The following GBE1 variants were observed in gnomAD, a reference collection of about 807,000 sequenced individuals.
The protein encoded by GBE1 is 1,4-alpha-glucan-branching enzyme.
GBE1 carries 70 observed loss-of-function variants against 88.8 expected under a neutral mutation model. The observed-to-expected ratio is 0.79, with a 90% confidence interval of 0.65 to 0.96. The LOEUF (loss-of-function observed/expected upper bound fraction) is 0.96. Ranked by LOEUF, GBE1 falls within the 40% of genes least tolerant of loss-of-function variation. The pLI, the probability that GBE1 is intolerant of heterozygous loss-of-function variation, is 0.00. For missense variants in GBE1, 872 were observed against 871.0 expected (o/e 1.00, Z -0.01); for synonymous variants, 284 against 300.1 (o/e 0.95, Z 0.56).
intron 2 of GBE1, among the ~76,000 whole-genome samples, chr3:81,688,690 C>G (rs1226815614): frequency 1.3e-4 from 20 of 151,970 alleles, no homozygotes; most frequent in Admixed American, 2.6e-4. Context: ...TTTTCAATTA[C>G]TATGGGTCAC....
chr3:81,748,475 G>A (rs977152283), intron 1 of GBE1, among the ~76,000 whole-genome samples: 1 of 151,462 alleles, frequency 6.6e-6, no homozygotes, highest in Non-Finnish European at 1.5e-5. Flanking sequence ...GCCGGGTGTG[G>A]TGGCGGGCGC....
chr3:81,655,726 G>C (rs1704929472), intron 3 of GBE1, among the ~76,000 whole-genome samples: 1 of 151,950 alleles, frequency 6.6e-6, no homozygotes, highest in Admixed American at 6.6e-5. Context: ...CACCATGTCG[G>C]CCAGGCTGCT....
chr3:81,497,039 C>T (rs972692622), intron 15 of GBE1, among the ~76,000 whole-genome samples: 7 of 152,152 alleles, frequency 4.6e-5, no homozygotes, highest in African/African-American at 1.7e-4. Context: ...ATTACTGATA[C>T]TTATGAGACA....
chr3:81,750,635 A>G (rs1284053283), intron 1 of GBE1, among the ~76,000 whole-genome samples: 30 of 59,344 alleles, frequency 5.1e-4, no homozygotes, highest in African/African-American at 2.4e-3. Context: ...ATATACGTAT[A>G]TATATATATG....
intron 1 of GBE1, among the ~76,000 whole-genome samples, chr3:81,719,557 T>C (rs559522087): frequency 7.2e-5 from 11 of 152,304 alleles, no homozygotes; most frequent in Non-Finnish European, 1.3e-4. Context: ...AAGAGACACA[T>C]ATGATTTTAA....
At chr3:81,639,576 A>C (rs1326392950) in intron 7 of GBE1, among the ~76,000 whole-genome samples, 1 of 152,134 alleles carries the variant, frequency 6.6e-6, no homozygotes, top group African/African-American at 2.4e-5. Context: ...TTTACCTAAC[A>C]AGTTTTATTA....
chr3:81,705,619 A>T lies in GBE1; in HGVS notation c.144-6T>A. 1.3e-6 allele frequency: 2 copies of T among 1,510,194 alleles called. No individual in the cohort carries two copies. Among genetic ancestry groups the T allele is most frequent in the African/African-American group, 2.8e-5 (2 of 71,050 alleles). 93.5% of individuals were successfully genotyped at this position (1,510,194 alleles called of 1,614,324 possible). ...TTTGGCTAAACTGCTTATACCTTTG[A>T]AGAAGTATGAAAGAAAATGAGTTAG... On this transcript the variant is annotated splice_region_variant and splice_polypyrimidine_tract_variant and intron_variant, in intron 1 of 15. Coordinates refer to ENST00000429644, the MANE Select transcript of GBE1 (RefSeq NM_000158.4).
chr3:81,568,556 T>C (rs1184808762), intron 12 of GBE1, among the ~76,000 whole-genome samples: 1 of 152,228 alleles, frequency 6.6e-6, no homozygotes, highest in Non-Finnish European at 1.5e-5. Context: ...GCTATATTTA[T>C]CCTGACCACT....
intron 7 of GBE1, among the ~76,000 whole-genome samples, chr3:81,640,895 A>G (rs945766505): frequency 6.6e-6 from 1 of 152,082 alleles, no homozygotes; most frequent in African/African-American, 2.4e-5. Context: ...TACCAAAAGC[A>G]TGCACATGAG....
intron 14 of GBE1, among the ~76,000 whole-genome samples, chr3:81,527,978 C>A (rs1351703905): frequency 6.6e-6 from 1 of 151,930 alleles, no homozygotes; most frequent in African/African-American, 2.4e-5. Flanking sequence ...AAAGGTCCAA[C>A]AATGATAGAC....
chr3:81,536,670 C>T (rs926006512), intron 13 of GBE1, among the ~76,000 whole-genome samples: 1 of 151,954 alleles, frequency 6.6e-6, no homozygotes, highest in Non-Finnish European at 1.5e-5. Context: ...ATACAAATTA[C>T]TAAATTTAAA....
chr3:81,599,543 A>G (rs1704004718), intron 7 of GBE1, among the ~76,000 whole-genome samples: 1 of 152,224 alleles, frequency 6.6e-6, no homozygotes, highest in African/African-American at 2.4e-5. Flanking sequence ...ATAGCATGTT[A>G]CTGTACTGAA....
chr3:81,565,786 A>C (rs1284331188), intron 12 of GBE1, among the ~76,000 whole-genome samples: 1 of 152,226 alleles, frequency 6.6e-6, no homozygotes, highest in Non-Finnish European at 1.5e-5. Context: ...AGAAAGCAGG[A>C]AAAACATATG....
At chr3:81,594,788 T>C (rs1703934139) in intron 7 of GBE1, among the ~76,000 whole-genome samples, 2 of 151,880 alleles carry the variant, frequency 1.3e-5, no homozygotes, top group Non-Finnish European at 2.9e-5. Flanking sequence ...AACAAGTCTG[T>C]TTTGGACAGT....
intron 2 of GBE1, among the ~76,000 whole-genome samples, chr3:81,680,616 G>A (rs1326400206): frequency 6.6e-6 from 1 of 151,776 alleles, no homozygotes; most frequent in Non-Finnish European, 1.5e-5. Context: ...GCTGTGACTT[G>A]CATTATTGAT....
chr3:81,691,936 G>A (rs1294587426), intron 2 of GBE1, among the ~76,000 whole-genome samples: 4 of 152,214 alleles, frequency 2.6e-5, no homozygotes, highest in East Asian at 1.9e-4. Context: ...GATCTGTAAC[G>A]AGTTGACGGA....
chr3:81,687,578 T>C (rs540188503), intron 2 of GBE1, among the ~76,000 whole-genome samples: 1 of 152,140 alleles, frequency 6.6e-6, no homozygotes, highest in Non-Finnish European at 1.5e-5. Context: ...ATAGCTACCA[T>C]GGAGAATGTA....
chr3:81,572,026 C>CACATAATCCCCACATGT (rs1703582547), intron 12 of GBE1, among the ~76,000 whole-genome samples: 1 of 152,152 alleles, frequency 6.6e-6, no homozygotes. Context: ...AAGGGAGAGA[C>CACATAATCCCCACATGT]CAGGTGGAGA....
At chr3:81,621,000 A>G (rs1255666514) in intron 7 of GBE1, among the ~76,000 whole-genome samples, 1 of 152,222 alleles carries the variant, frequency 6.6e-6, no homozygotes. Context: ...AGACGCTCTC[A>G]GCAAGAAGGA....
Sources: gnomAD v4.1 joint callset for allele counts (sites outside exome capture counted in the v4.1 genomes callset) on GRCh38, gnomAD v4.1.1 for gene constraint, MANE v1.5 for transcripts, NCBI Gene and HGNC (gene_info 2026-07-23, HGNC 2026-07-21) for gene names.